The following SPTAN1 variants were observed in gnomAD, a reference collection of about 807,000 sequenced individuals.
The protein encoded by SPTAN1 is spectrin alpha chain, non-erythrocytic 1.
Under a neutral mutation model 331.3 loss-of-function variants are expected in SPTAN1, and 61 were observed. That is an observed-to-expected ratio of 0.18 (90% CI 0.15 to 0.23). SPTAN1 has a LOEUF of 0.23. Among genes scored for constraint, SPTAN1 ranks in the 10% least tolerant of loss-of-function variants. SPTAN1 has a pLI of 1.00. For missense variants in SPTAN1, 2,043 were observed against 3,147.9 expected (o/e 0.65, Z 8.40); for synonymous variants, 1,153 against 1,173.9 (o/e 0.98, Z 0.36).
intron 18 of SPTAN1, 36 bp downstream of exon 18, chr9:128,584,879 G>C (rs186769459): frequency 4.3e-6 from 7 of 1,613,984 alleles, no homozygotes; most frequent in Non-Finnish European, 5.9e-6. Flanking sequence ...GCTTGGTGCT[G>C]CTCCTCGTGT....
intron 20 of SPTAN1, among the ~76,000 whole-genome samples, chr9:128,588,526 GTC>G (rs1221258848): frequency 1.3e-5 from 2 of 151,172 alleles, no homozygotes; most frequent in African/African-American, 4.9e-5. Flanking sequence ...GGTCAGGCTG[GTC>G]TCGAACCCCC....
rs147132904 is a variant in SPTAN1 at position 128,625,933 on chromosome 9, C to A, written c.6234C>A (p.Ala2078=). The change falls in exon 48 of 57, where the codon GCC becomes GCA. Residue 2078 remains alanine, a synonymous_variant. Transcript: ENST00000372739. This position sits in a 1 kb window ranked among gnomAD's most constrained non-coding sequence, Gnocchi z 4.1. ...GGAGCCAGCTTCTGGCCAACTCAGC[C>A]GCCCGCAAGAAGAAGCTTCTGGAGG... is the stretch of plus-strand genomic sequence containing the variant. ...KRWSQLLANS[A]ARKKKLLEAQ... 9.3e-6 allele frequency: 15 copies of A among 1,614,038 alleles called. No homozygotes were observed. Among genetic ancestry groups the A allele is most frequent in the African/African-American group, 2.7e-5 (2 of 74,906 alleles).
chr9:128,604,494 C>G, intron 29 of SPTAN1, 77 bp downstream of exon 29: 4 of 1,435,502 alleles, frequency 2.8e-6, no homozygotes, highest in Non-Finnish European at 3.8e-6. Context: ...AGCTTGCTGA[C>G]TGAGATCCTA....
chr9:128,583,710 A>G, intron 15 of SPTAN1, 78 bp from the exon 16 acceptor site: 2 of 1,481,072 alleles, frequency 1.4e-6, no homozygotes, highest in South Asian at 1.1e-5. Context: ...TCCTTCACTA[A>G]GATACTACTG....
chr9:128,586,093 G>A, intron 19 of SPTAN1, 128 bp downstream of exon 19: 1 of 697,654 alleles, frequency 1.4e-6, no homozygotes, highest in Non-Finnish European at 2.4e-6. Context: ...AAAATGTTTT[G>A]GAATCCATTT....
chr9:128,594,092 A>T (rs1192184509), intron 23 of SPTAN1, 83 bp from the exon 24 acceptor site: 1 of 1,303,404 alleles, frequency 7.7e-7, no homozygotes. Context: ...CATCTTGGAG[A>T]CACCTCGTGG....
At chr9:128,554,546 C>T (rs1848443204) in intron 1 of SPTAN1, among the ~76,000 whole-genome samples, 1 of 151,362 alleles carries the variant, frequency 6.6e-6, no homozygotes, top group South Asian at 2.1e-4. Flanking sequence ...CAGGAATAGT[C>T]CCCCATGTCC....
intron 1 of SPTAN1, among the ~76,000 whole-genome samples, chr9:128,557,799 CTTTTTT>C (rs72214808): frequency 1.2e-5 from 1 of 85,006 alleles, no homozygotes; most frequent in Non-Finnish European, 2.2e-5. Flanking sequence ...TTAGAAATTT[CTTTTTT>C]TTTTTTTTTT....
intron 52 of SPTAN1, 200 bp from the exon 53 acceptor site, chr9:128,631,927 A>AT: frequency 1.6e-6 from 1 of 613,306 alleles, no homozygotes; most frequent in Non-Finnish European, 2.9e-6. Flanking sequence ...GAACCCTCAC[A>AT]TTGAAAGTCT....
intron 44 of SPTAN1, among the ~76,000 whole-genome samples, chr9:128,620,839 T>G (rs1417522640): frequency 6.6e-6 from 1 of 152,210 alleles, no homozygotes; most frequent in Non-Finnish European, 1.5e-5. Context: ...GTCATTCTTG[T>G]GGTCCTCTTG....
intron 21 of SPTAN1, among the ~76,000 whole-genome samples, chr9:128,590,020 TC>T (rs1313161502): frequency 1.3e-5 from 2 of 152,160 alleles, no homozygotes; most frequent in Non-Finnish European, 2.9e-5. Context: ...CAGCCTTTCT[TC>T]CCTAACACAC....
chr9:128,592,901 A>C, intron 22 of SPTAN1, 82 bp from the exon 23 acceptor site: 1 of 1,312,026 alleles, frequency 7.6e-7, no homozygotes, highest in South Asian at 1.3e-5. Flanking sequence ...CCATCATGGC[A>C]CCAGTCGGAG....
intron 20 of SPTAN1, among the ~76,000 whole-genome samples, chr9:128,588,588 C>T (rs1359779034): frequency 1.3e-5 from 2 of 151,864 alleles, no homozygotes; most frequent in African/African-American, 2.4e-5. Context: ...TGAGATTACA[C>T]GTATGAGCCA....
In SPTAN1 at chr9:128,633,005, C is replaced by T. The variant is rs116114254; in HGVS notation, c.7308+50C>T. 1,258 of 1,605,406 alleles carry T rather than the reference C, an allele frequency of 7.8e-4. 11 individuals are homozygous for T. In the African/African-American group the frequency reaches 0.015, roughly 19 times the overall value. On this transcript the variant is annotated intron_variant, in intron 56 of 56. Transcript: ENST00000372739. Reference sequence around the variant, plus strand: ...AGAGGTGTCCTTTGGAAAACTAAAGCCAAATTTGTGGCAGAGCTGAGTCTG... The same window carrying T: ...AGAGGTGTCCTTTGGAAAACTAAAGTCAAATTTGTGGCAGAGCTGAGTCTG...
In SPTAN1 at chr9:128,600,109, G is replaced by T. The variant is rs781021400; in HGVS notation, c.3573G>T (p.Pro1191=). ...RDETDSKTAS[P]WKSARLMVHT... Reference sequence around the variant, plus strand: ...AAACTGATTCCAAGACAGCCTCCCCGTGGAAGGTAAGAACTCCTTTGCAAA... The same window carrying T: ...AAACTGATTCCAAGACAGCCTCCCCTTGGAAGGTAAGAACTCCTTTGCAAA... The change falls in exon 27 of 57, where the codon CCG becomes CCT. Residue 1191 remains proline, a synonymous_variant. Coordinates refer to ENST00000372739, the MANE Select transcript of SPTAN1 (RefSeq NM_001130438.3). 6.2e-7 allele frequency: 1 copy of T among 1,614,138 alleles called. No homozygotes were observed. Among genetic ancestry groups the T allele is most frequent in the East Asian group, 2.2e-5 (1 of 44,892 alleles).
At chr9:128,569,944 A>G (rs1850460513) in intron 3 of SPTAN1, among the ~76,000 whole-genome samples, 1 of 152,204 alleles carries the variant, frequency 6.6e-6, no homozygotes, top group Non-Finnish European at 1.5e-5. Context: ...ACTAATAATG[A>G]TGATTGTAAA....
chr9:128,609,275 C>G lies in SPTAN1; in HGVS notation c.4749C>G (p.Thr1583=). 1 of 1,614,222 alleles carries G rather than the reference C, an allele frequency of 6.2e-7. No homozygotes were observed. Among genetic ancestry groups the G allele is most frequent in the South Asian group, 1.1e-5 (1 of 91,082 alleles). ...GTGATGAGTCGTACAAGGATCCCAC[C>G]AACATCCAGGTAAGCTGAAGTGACT... ...TASDESYKDP[T]NIQLSKLLSK... The change falls in exon 36 of 57, where the codon ACC becomes ACG. Residue 1583 remains threonine, a synonymous_variant. Transcript: ENST00000372739.
In SPTAN1 at chr9:128,574,912, C is replaced by T. The variant is rs555806176; in HGVS notation, c.504+97C>T. The T allele has an allele frequency of 8.9e-5, 139 of 1,562,400 alleles. 1 individual carries two copies. The South Asian group carries it at 9.7e-4, about 11-fold the overall frequency. Reference sequence around the variant, plus strand: ...GTGAGACCCAGTGTTAGCACAGATACGGCCATTTTAAGTAAAAGGGTGGAA... The same window carrying T: ...GTGAGACCCAGTGTTAGCACAGATATGGCCATTTTAAGTAAAAGGGTGGAA... On this transcript the variant is annotated intron_variant, in intron 4 of 56. Coordinates refer to ENST00000372739, the MANE Select transcript of SPTAN1 (RefSeq NM_001130438.3).
At position 128,566,833 on chromosome 9, in the gene SPTAN1, A is replaced by G. The variant is rs776878433; in HGVS notation, c.93A>G (p.Glu31=). The change falls in exon 2 of 57, where the codon GAA becomes GAG. Residue 31 remains glutamate (E), a synonymous_variant. Transcript: ENST00000372739. The part of the protein sequence containing the change: ...QVLDRYHRFK[E]LSTLRRQKLE... ...TAGACCGATACCACCGCTTCAAGGA[A>G]CTCTCAACCCTTAGGCGTCAGAAGC... The G allele has an allele frequency of 1.2e-5, 19 of 1,614,106 alleles. No individual in the cohort carries two copies. The highest frequency in any genetic ancestry group is 1.6e-5 in the Non-Finnish European group (19 of 1,180,026).
Sources: gnomAD v4.1 joint callset for allele counts (sites outside exome capture counted in the v4.1 genomes callset) on GRCh38, gnomAD v4.1.1 for gene constraint, Gnocchi (gnomAD v3.1) non-coding constraint, MANE v1.5 for transcripts, NCBI Gene and HGNC (gene_info 2026-07-23, HGNC 2026-07-21) for gene names.